Variants in NAV3 observed in about 807,000 individuals in gnomAD.
The protein encoded by NAV3 is pore membrane and/or filament interacting like protein 1.
A neutral mutation model predicts 244.7 loss-of-function variants in NAV3; 87 were observed. The observed-to-expected ratio is 0.36, with a 90% CI of 0.30 to 0.42. NAV3 has a LOEUF of 0.42. Ranked by LOEUF, NAV3 falls within the 20% of genes least tolerant of loss-of-function variation. NAV3 has a pLI of 1.00. For missense variants in NAV3, 2,663 were observed against 2,893.3 expected (o/e 0.92, Z 1.83); for synonymous variants, 1,126 against 1,042.2 (o/e 1.08, Z -1.55).
At chr12:78,157,285 C>T (rs975431143) in intron 22 of NAV3, among the ~76,000 whole-genome samples, 2 of 151,502 alleles carry the variant, frequency 1.3e-5, no homozygotes, top group African/African-American at 2.4e-5. Flanking sequence ...TGGCTCACAC[C>T]TATAATCCCA....
chr12:77,808,169 A>G (rs1872083971), intron 2 of NAV3, among the ~76,000 whole-genome samples: 1 of 152,078 alleles, frequency 6.6e-6, no homozygotes, highest in South Asian at 2.1e-4. Flanking sequence ...TCTGAAGCCT[A>G]GTTCTGTCAA....
intron 8 of NAV3, among the ~76,000 whole-genome samples, chr12:78,012,207 C>T (rs767048734): frequency 6.6e-6 from 1 of 152,130 alleles, no homozygotes; most frequent in Non-Finnish European, 1.5e-5. Context: ...CCTAACCCTT[C>T]TTCTGAAACA....
intron 2 of NAV3, among the ~76,000 whole-genome samples, chr12:77,652,034 A>C (rs1373475561): frequency 6.6e-6 from 1 of 152,206 alleles, no homozygotes; most frequent in Non-Finnish European, 1.5e-5. Flanking sequence ...GGGAAGGCAA[A>C]AAATAGCAGC....
chr12:77,628,608 G>T (rs944129488), intron 2 of NAV3, among the ~76,000 whole-genome samples: 1 of 152,018 alleles, frequency 6.6e-6, no homozygotes, highest in Non-Finnish European at 1.5e-5. Flanking sequence ...ATCTGTCCAG[G>T]TGTGGTGGCT....
chr12:78,188,770 C>A lies in NAV3; in HGVS notation c.6048C>A (p.Asn2016Lys), dbSNP rs2139856883. 1 of 1,611,024 alleles carries A rather than the reference C, an allele frequency of 6.2e-7. No individual in the cohort carries two copies. The highest frequency in any genetic ancestry group is 8.5e-7 in the Non-Finnish European group (1 of 1,178,232). The change falls in exon 33 of 40, where the codon AAC (asparagine) becomes AAA (lysine). Residue 2016 changes from asparagine (N) to lysine (K), a missense_variant. Coordinates refer to ENST00000397909, the MANE Select transcript of NAV3 (RefSeq NM_001024383.2). ...LVGDNNIITV[N>K]LKGVEENSLD... Reference sequence around the variant, plus strand: ...GAGATAATAACATCATCACTGTGAACCTCAAAGGTAAAAGCAATAATGAAA... The same window carrying A: ...GAGATAATAACATCATCACTGTGAAACTCAAAGGTAAAAGCAATAATGAAA...
At chr12:78,058,951 G>C (rs369434999) in intron 11 of NAV3, 45 bp from the exon 12 acceptor site, 1 of 1,537,782 alleles carries the variant, frequency 6.5e-7, no homozygotes, top group Non-Finnish European at 8.8e-7. Context: ...TTGTACAGTT[G>C]AGTTGATTTA....
At chr12:77,785,038 G>A (rs762318393) in intron 2 of NAV3, among the ~76,000 whole-genome samples, 22 of 152,232 alleles carry the variant, frequency 1.4e-4, no homozygotes, top group South Asian at 6.2e-4. Context: ...GCATTAAGCC[G>A]CAGAAGCTGA....
intron 12 of NAV3, among the ~76,000 whole-genome samples, chr12:78,079,390 T>C (rs748451498): frequency 5.3e-5 from 8 of 152,218 alleles, no homozygotes; most frequent in Non-Finnish European, 1.0e-4. Context: ...TCTCTGAAGT[T>C]TTATTAGCCT....
intron 9 of NAV3, among the ~76,000 whole-genome samples, chr12:78,030,136 T>A (rs1878734274): frequency 6.6e-6 from 1 of 152,112 alleles, no homozygotes; most frequent in South Asian, 2.1e-4. Context: ...TCTGAAAAAA[T>A]TCAACATGCA....
chr12:78,014,510 T>C (rs1875843912), intron 8 of NAV3, among the ~76,000 whole-genome samples: 1 of 152,134 alleles, frequency 6.6e-6, no homozygotes, highest in African/African-American at 2.4e-5. Context: ...TTCCTTCTTT[T>C]GATATAATAT....
chr12:77,650,585 T>C (rs559461521), intron 2 of NAV3, among the ~76,000 whole-genome samples: 8 of 152,312 alleles, frequency 5.3e-5, no homozygotes, highest in Admixed American at 2.0e-4. Context: ...ACATGTATTA[T>C]GAACCATTAT....
intron 1 of NAV3, among the ~76,000 whole-genome samples, chr12:77,920,105 G>T (rs1455659282): frequency 6.6e-6 from 1 of 151,932 alleles, no homozygotes; most frequent in Non-Finnish European, 1.5e-5. Context: ...CCGGGTTCTG[G>T]CACTCTTTAC....
rs568342534 is a variant in NAV3, at chr12:78,051,692, A to G, written c.2516+545A>G. ...AGACCCTGTTTTTCTTCTGTGTCCT[A>G]TTACATTCCAAAACATGTTGTGATT... On this transcript the variant is annotated intron_variant, in intron 11 of 39. Transcript: ENST00000397909. Among the ~76,000 whole-genome samples, 3 of 152,280 alleles carry G rather than the reference A, an allele frequency of 2.0e-5. No homozygotes were observed. The South Asian group carries it at 6.2e-4, about 32-fold the overall frequency.
intron 2 of NAV3, among the ~76,000 whole-genome samples, chr12:77,588,362 T>C (rs1204871586): frequency 6.6e-6 from 1 of 152,058 alleles, no homozygotes; most frequent in African/African-American, 2.4e-5. Context: ...CAAGTGATCA[T>C]CCTGCCTTGG....
intron 2 of NAV3, among the ~76,000 whole-genome samples, chr12:77,708,835 G>A (rs1368818505): frequency 6.6e-6 from 1 of 152,128 alleles, no homozygotes; most frequent in Non-Finnish European, 1.5e-5. Flanking sequence ...GTGAATGGGA[G>A]TTCACTCATG....
At chr12:78,113,134 C>T (rs1955187738) in intron 12 of NAV3, among the ~76,000 whole-genome samples, 1 of 152,252 alleles carries the variant, frequency 6.6e-6, no homozygotes. Context: ...TTGGGCAGCT[C>T]TGCCTCTGTG....
At chr12:77,900,805 C>T (rs1225494912) in intron 1 of NAV3, among the ~76,000 whole-genome samples, 3 of 152,112 alleles carry the variant, frequency 2.0e-5, no homozygotes, top group African/African-American at 4.8e-5. Flanking sequence ...CTGCTTTCCA[C>T]GGGGTCACCC....
At chr12:78,131,479 G>C (rs1375606568) in intron 18 of NAV3, among the ~76,000 whole-genome samples, 5 of 151,978 alleles carry the variant, frequency 3.3e-5, no homozygotes, top group Non-Finnish European at 5.9e-5. Context: ...TAGGTCATAG[G>C]AATATGAAAA....
chr12:78,067,987 AGAG>A (rs910691287), intron 12 of NAV3, among the ~76,000 whole-genome samples: 39 of 152,008 alleles, frequency 2.6e-4, no homozygotes, highest in Non-Finnish European at 5.2e-4. Context: ...GGAGGAGAAA[AGAG>A]GAGGAGGAAG....
Sources: gnomAD v4.1 joint callset for allele counts (sites outside exome capture counted in the v4.1 genomes callset) on GRCh38, gnomAD v4.1.1 for gene constraint, MANE v1.5 for transcripts, NCBI Gene and HGNC (gene_info 2026-07-23, HGNC 2026-07-21) for gene names.